HSF1: variants seen among roughly 807,000 people sequenced by gnomAD.
HSF1 encodes the protein heat shock factor protein 1.
In HSF1, 32 loss-of-function variants were observed where a neutral mutation model predicts 51.7. The observed-to-expected ratio is 0.62, with a 90% CI of 0.47 to 0.83. The LOEUF is 0.83. Ranked by LOEUF, HSF1 falls within the 40% of genes least tolerant of loss-of-function variation. HSF1 has a pLI of 0.00. For missense variants in HSF1, 727 were observed against 717.0 expected, an observed-to-expected ratio of 1.01 and a Z score of -0.16; for synonymous variants, 396 against 309.7, an observed-to-expected ratio of 1.28 and a Z score of -2.92.
At position 144,309,387 on chromosome 8, in the gene HSF1, A is replaced by G. The variant is rs1169869766; in HGVS notation, c.227-68A>G. On this transcript the variant is annotated intron_variant, in intron 2 of 12. Transcript: ENST00000528838. Reference sequence around the variant, plus strand: ...AAGCCCCGCAGCAGCCTCCTGGAGCAGTGGCCGCTCTTCAGGGGTTCTGGT... The same window carrying G: ...AAGCCCCGCAGCAGCCTCCTGGAGCGGTGGCCGCTCTTCAGGGGTTCTGGT... The G allele has an allele frequency of 4.1e-5, 65 of 1,593,454 alleles. 2 individuals are homozygous for G. The highest frequency in any genetic ancestry group is 3.8e-4 in the South Asian group (34 of 89,224).
chr8:144,313,780 GCCTCCCCGCCCCGCCTCCCCGCCCCGCCC>G (rs1816984053), intron 10 of HSF1, 37 bp from the exon 11 acceptor site: 1 of 39,264 alleles, frequency 2.5e-5, no homozygotes, highest in African/African-American at 2.7e-4. Flanking sequence ...TCCCCGCCCC[GCCTCCCCGCCCCGCCTCCCCGCCCCGCCC>G]CCGGGTGCTG....
chr8:144,312,291 A>G lies in HSF1; in HGVS notation c.1142+47A>G, dbSNP rs1001404343. On this transcript the variant is annotated intron_variant, in intron 9 of 12. Coordinates refer to ENST00000528838, the MANE Select transcript of HSF1 (RefSeq NM_005526.4). ...CCCCACCCACAGCGCCTGGACGCAC[A>G]GCCCTGGGCTTCAGCCCCGACTGTC... is the stretch of plus-strand genomic sequence containing the variant. 4 of 1,338,700 alleles carry G rather than the reference A, an allele frequency of 3.0e-6. No homozygotes were observed. The African/African-American group carries it at 4.4e-5, about 15-fold the overall frequency. The allele number at this position is 1,338,700 out of a possible 1,614,324, so 82.9% of individuals were successfully genotyped here.
intron 9 of HSF1, 124 bp downstream of exon 9, chr8:144,312,368 G>T: frequency 1.3e-6 from 1 of 792,748 alleles, no homozygotes; most frequent in Non-Finnish European, 2.0e-6. Flanking sequence ...CCCCAACCTC[G>T]GAGCTCGGGG....
intron 9 of HSF1, 62 bp from the exon 10 acceptor site, chr8:144,313,449 A>G (rs1219157694): frequency 3.6e-6 from 4 of 1,102,176 alleles, no homozygotes; most frequent in African/African-American, 1.5e-5. Context: ...CTTCTCCCAC[A>G]GGAGGGCATT....
chr8:144,313,138 C>T, intron 9 of HSF1: 1 of 381,950 alleles, frequency 2.6e-6, no homozygotes, highest in Non-Finnish European at 4.9e-6. Context: ...GGGACTGAGC[C>T]ACCCACACAC....
intron 1 of HSF1, among the ~76,000 whole-genome samples, chr8:144,298,626 A>G (rs1554841743): frequency 6.6e-6 from 1 of 151,422 alleles, no homozygotes; most frequent in African/African-American, 2.4e-5. Flanking sequence ...GAAAAGAAAA[A>G]ACCGGCGAGG....
In HSF1 at chr8:144,291,732, C is replaced by T; in HGVS notation, c.-26C>T. On this transcript the variant is annotated 5_prime_UTR_variant, in exon 1 of 13. Coordinates refer to ENST00000528838, the MANE Select transcript of HSF1 (RefSeq NM_005526.4). The surrounding 1 kb of genome is among the most constrained non-coding windows in gnomAD (Gnocchi z 4.1). Reference sequence around the variant, plus strand: ...CTCGGCCCCTCTTTGCGGCCGCTCCCTCCGCCTATTCCCTCCTTGCTCGAG... The same window carrying T: ...CTCGGCCCCTCTTTGCGGCCGCTCCTTCCGCCTATTCCCTCCTTGCTCGAG... The T allele has an allele frequency of 7.3e-7, 1 of 1,375,200 alleles. No individual in the cohort carries two copies. Among genetic ancestry groups the T allele is most frequent in the Non-Finnish European group, 9.8e-7 (1 of 1,018,526 alleles). 85.2% of individuals were successfully genotyped at this position (1,375,200 alleles called of 1,614,324 possible).
chr8:144,308,883 C>G lies in HSF1; in HGVS notation c.118-23C>G, dbSNP rs1554843731. 1.9e-6 allele frequency: 3 copies of G among 1,601,680 alleles called. No individual in the cohort carries two copies. In the South Asian group the frequency reaches 3.3e-5, roughly 18 times the overall value. ...GCTGCCCCTCACCACCACGCGTGAC[C>G]CACCCATGTGTCTCCCTTTCAGAGC... On this transcript the variant is annotated intron_variant, in intron 1 of 12. Transcript: ENST00000528838.
At chr8:144,310,006 C>A in intron 4 of HSF1, 110 bp downstream of exon 4, 1 of 1,316,092 alleles carries the variant, frequency 7.6e-7, no homozygotes, top group Non-Finnish European at 1.0e-6. Context: ...CAGCTCCACC[C>A]TCCCGCTCCA....
chr8:144,305,723 A>ATTT (rs146075122), intron 1 of HSF1, among the ~76,000 whole-genome samples: 1,924 of 78,582 alleles, frequency 0.024, 296 homozygotes, highest in Non-Finnish European at 0.031. Flanking sequence ...CCTCTGGTTA[A>ATTT]TTTTTTTTTT....
rs1554843859 is a variant in HSF1, at chr8:144,309,405, G to T, written c.227-50G>T. On this transcript the variant is annotated intron_variant, in intron 2 of 12. Transcript: ENST00000528838. ...CTGGAGCAGTGGCCGCTCTTCAGGG[G>T]TTCTGGTCCCGCCCTGAGGCAGAGC... 13 of 1,608,956 alleles carry T rather than the reference G, an allele frequency of 8.1e-6. No homozygotes were observed. In the South Asian group the frequency reaches 1.4e-4, roughly 18 times the overall value.
chr8:144,312,325 C>G, intron 9 of HSF1, 81 bp downstream of exon 9: 1 of 1,069,756 alleles, frequency 9.3e-7, no homozygotes, highest in Non-Finnish European at 1.3e-6. Flanking sequence ...TCCCAGTGGA[C>G]TGAGCAGGGC....
intron 1 of HSF1, among the ~76,000 whole-genome samples, chr8:144,307,769 C>T (rs181600619): frequency 1.0e-3 from 153 of 152,098 alleles, no homozygotes; most frequent in Non-Finnish European, 1.6e-3. Context: ...GCACTCCAGC[C>T]TGAGCAAGAC....
intron 1 of HSF1, among the ~76,000 whole-genome samples, chr8:144,295,576 T>TAAGGTCTCG (rs1554841150): frequency 6.6e-6 from 1 of 152,212 alleles, no homozygotes; most frequent in Non-Finnish European, 1.5e-5. Flanking sequence ...GTTTTTTAGA[T>TAAGGTCTCG]AAGGTCTCGC....
At chr8:144,313,264 G>T in intron 9 of HSF1, 1 of 518,866 alleles carries the variant, frequency 1.9e-6, no homozygotes, top group South Asian at 2.4e-5. Context: ...TGGGTCCACT[G>T]CCACCAAGGC....
In HSF1 at chr8:144,309,547, G is replaced by T. The variant is rs377742831; in HGVS notation, c.319G>T (p.Gly107Cys). ...GTTCCAGCACCCATGCTTCCTGCGT[G>T]GCCAGGAGCAGCTCCTTGAGAACAT... ...TEFQHPCFLRGQEQLLENIKR... is the reference protein window; with the variant it reads ...TEFQHPCFLRCQEQLLENIKR... Residue 107 changes from glycine to cysteine, a missense_variant, in exon 3 of 13, where the codon GGC becomes TGC. Physicochemically the swap from Gly to Cys is radical, Grantham distance 159. Around this residue, in one of 2 missense-constraint regions of HSF1, gnomAD observed 257 missense variants for 318.3 expected, o/e 0.81. Transcript: ENST00000528838. The T allele has an allele frequency of 1.9e-5, 31 of 1,613,932 alleles. No individual in the cohort carries two copies. Among genetic ancestry groups the T allele is most frequent in the Non-Finnish European group, 2.6e-5 (31 of 1,180,008 alleles).
At chr8:144,312,797 C>A in intron 9 of HSF1, 1 of 1,274,862 alleles carries the variant, frequency 7.8e-7, no homozygotes, top group South Asian at 1.3e-5. Context: ...CCCAGCCTGG[C>A]CGGGCATGAG....
chr8:144,301,382 G>A (rs1377743819), intron 1 of HSF1, among the ~76,000 whole-genome samples: 1 of 151,698 alleles, frequency 6.6e-6, no homozygotes, highest in Non-Finnish European at 1.5e-5. Flanking sequence ...TCGTACCACT[G>A]CACTCCAGCC....
intron 4 of HSF1, 179 bp downstream of exon 4, chr8:144,310,075 C>T (rs1816514765): frequency 1.2e-5 from 8 of 686,562 alleles, no homozygotes. Context: ...TGCAACAGCT[C>T]TGGGGCCAGC....
Sources: allele counts gnomAD v4.1 joint callset (sites outside exome capture counted in the v4.1 genomes callset), GRCh38; gene constraint gnomAD v4.1.1; regional missense constraint gnomAD v4.1.1; non-coding constraint Gnocchi (gnomAD v3.1); transcripts MANE v1.5; gene names NCBI Gene and HGNC (gene_info 2026-07-23, HGNC 2026-07-21).